MEIOSIN: variants seen among roughly 807,000 people sequenced by gnomAD.
MEIOSIN encodes the protein meiosis initiator.
In MEIOSIN, 18 loss-of-function variants were observed where a neutral mutation model predicts 23.4. The observed-to-expected ratio is 0.77, with a 90% CI of 0.53 to 1.14. The LOEUF (loss-of-function observed/expected upper bound fraction) is 1.14, where lower values mean the gene tolerates loss of function less well. Among genes scored for constraint, MEIOSIN ranks in the 50% most tolerant of loss-of-function variants. The pLI is 0.00. For missense variants in MEIOSIN, 428 were observed against 242.9 expected (o/e 1.76, Z -5.07); for synonymous variants, 187 against 100.6 (o/e 1.86, Z -5.14).
intron 11 of MEIOSIN, among the ~76,000 whole-genome samples, chr19:45,761,210 C>T (rs565261068): frequency 9.2e-5 from 14 of 151,648 alleles, no homozygotes; most frequent in African/African-American, 2.9e-4. Context: ...CTGCAACCTC[C>T]GCCTCCTGGA....
intron 3 of MEIOSIN, among the ~76,000 whole-genome samples, 195 bp from the exon 4 acceptor site, chr19:45,744,997 G>A (rs1254537938): frequency 1.3e-5 from 2 of 152,198 alleles, no homozygotes; most frequent in East Asian, 3.9e-4. Flanking sequence ...AAGAGGAGTG[G>A]GTAAGATTTG....
intron 2 of MEIOSIN, 124 bp downstream of exon 2, chr19:45,735,571 CTG>C: frequency 3.4e-6 from 2 of 586,754 alleles, no homozygotes; most frequent in Non-Finnish European, 6.1e-6. Context: ...TGTATGATAA[CTG>C]TTAATCCATA....
chr19:45,754,752 A>G, intron 7 of MEIOSIN, 28 bp downstream of exon 7: 1 of 701,866 alleles, frequency 1.4e-6, no homozygotes. Flanking sequence ...CTCTGAACTT[A>G]GTCTTTCAGT....
chr19:45,751,317 CATAAA>C (rs936224180), intron 5 of MEIOSIN, among the ~76,000 whole-genome samples: 2 of 109,906 alleles, frequency 1.8e-5, no homozygotes, highest in Non-Finnish European at 4.0e-5. Flanking sequence ...ATAATATATA[CATAAA>C]ATAAAATAAA....
chr19:45,742,753 C>T lies in MEIOSIN; in HGVS notation c.177-2439C>T, dbSNP rs138851616. ...GCGGAGTTTGCAGAAGCTGAGATCGCGCCACTGCACTCCAGCCTGGGTGAC... is the reference window on the plus strand; with the variant it reads ...GCGGAGTTTGCAGAAGCTGAGATCGTGCCACTGCACTCCAGCCTGGGTGAC... On this transcript the variant is annotated intron_variant, in intron 3 of 14. Coordinates refer to ENST00000457052, the MANE Select transcript of MEIOSIN (RefSeq NM_001310124.2). 2.9e-3 allele frequency among the ~76,000 whole-genome samples: 443 copies of T among 151,584 alleles called. 3 individuals are homozygous for T. Among genetic ancestry groups the T allele is most frequent in the African/African-American group, 9.6e-3 (398 of 41,276 alleles).
At chr19:45,738,173 A>G (rs1968440155) in intron 2 of MEIOSIN, among the ~76,000 whole-genome samples, 1 of 152,178 alleles carries the variant, frequency 6.6e-6, no homozygotes, top group Non-Finnish European at 1.5e-5. Flanking sequence ...CCCTCCCTCC[A>G]AAGTCTGGAT....
intron 5 of MEIOSIN, among the ~76,000 whole-genome samples, chr19:45,751,432 C>T (rs1329399215): frequency 6.6e-6 from 1 of 151,836 alleles, no homozygotes; most frequent in Non-Finnish European, 1.5e-5. Context: ...GGATCTCATC[C>T]CTGCCTTCCT....
chr19:45,742,416 G>A (rs1235231099), intron 3 of MEIOSIN, among the ~76,000 whole-genome samples: 2 of 152,064 alleles, frequency 1.3e-5, no homozygotes, highest in African/African-American at 2.4e-5. Context: ...GGAGTTTGAG[G>A]TTACAGTGAG....
At chr19:45,759,753 G>A (rs1968902895) in intron 11 of MEIOSIN, among the ~76,000 whole-genome samples, 1 of 151,664 alleles carries the variant, frequency 6.6e-6, no homozygotes, top group African/African-American at 2.4e-5. Flanking sequence ...GCTGCCAGGT[G>A]CCCATAGAAA....
intron 3 of MEIOSIN, among the ~76,000 whole-genome samples, chr19:45,744,380 T>A (rs937091439): frequency 3.9e-5 from 6 of 152,144 alleles, no homozygotes; most frequent in Non-Finnish European, 5.9e-5. Context: ...GCTAGCTTCA[T>A]AGACATATGA....
chr19:45,738,001 C>T (rs1968437673), intron 2 of MEIOSIN, among the ~76,000 whole-genome samples: 1 of 151,954 alleles, frequency 6.6e-6, no homozygotes, highest in South Asian at 2.1e-4. Context: ...AGTGATCTTC[C>T]TGCCTCAGCC....
At chr19:45,748,807 A>G (rs1270473725) in intron 4 of MEIOSIN, among the ~76,000 whole-genome samples, 2 of 152,040 alleles carry the variant, frequency 1.3e-5, no homozygotes, top group Non-Finnish European at 2.9e-5. Flanking sequence ...AGTGGCTCAC[A>G]CATGTAATCC....
intron 13 of MEIOSIN, among the ~76,000 whole-genome samples, chr19:45,762,500 T>C (rs745458073): frequency 2.6e-5 from 4 of 152,196 alleles, no homozygotes; most frequent in Non-Finnish European, 5.9e-5. Context: ...CAATCACAGC[T>C]CACTGCAATG....
At chr19:45,756,530 G>A (rs1014587235) in intron 8 of MEIOSIN, among the ~76,000 whole-genome samples, 27 of 152,172 alleles carry the variant, frequency 1.8e-4, no homozygotes, top group African/African-American at 6.5e-4. Context: ...CAGTCCTCCT[G>A]CCTCAGCTTC....
intron 4 of MEIOSIN, among the ~76,000 whole-genome samples, chr19:45,748,007 C>T (rs944393345): frequency 6.6e-6 from 1 of 152,186 alleles, no homozygotes; most frequent in East Asian, 1.9e-4. Context: ...TAGCTTGAGC[C>T]TGGGAAGTGG....
intron 11 of MEIOSIN, among the ~76,000 whole-genome samples, chr19:45,760,951 A>G (rs1968927563): frequency 6.8e-6 from 1 of 146,298 alleles, no homozygotes; most frequent in Non-Finnish European, 1.5e-5. Flanking sequence ...AAGAAAAGAA[A>G]AAAAAGAAAA....
At chr19:45,746,790 C>T (rs1272012348) in intron 4 of MEIOSIN, among the ~76,000 whole-genome samples, 1 of 150,950 alleles carries the variant, frequency 6.6e-6, no homozygotes, top group African/African-American at 2.4e-5. Flanking sequence ...CATTGCACCC[C>T]AGCCTAGGCA....
At chr19:45,749,692 G>A (rs1005566197) in intron 4 of MEIOSIN, among the ~76,000 whole-genome samples, 25 of 75,368 alleles carry the variant, frequency 3.3e-4, no homozygotes, top group Admixed American at 5.8e-4. Context: ...AAAAAAAAAA[G>A]CGCAAAAAAA....
chr19:45,757,097 G>C (rs1174010384), intron 8 of MEIOSIN, 80 bp from the exon 9 acceptor site: 1 of 674,872 alleles, frequency 1.5e-6, no homozygotes, highest in African/African-American at 1.8e-5. Flanking sequence ...CCAGGGGCCA[G>C]TGCAGAGTGC....
Sources: gnomAD v4.1 joint callset for allele counts (sites outside exome capture counted in the v4.1 genomes callset) on GRCh38, gnomAD v4.1.1 for gene constraint, MANE v1.5 for transcripts, NCBI Gene and HGNC (gene_info 2026-07-23, HGNC 2026-07-21) for gene names.